Variants in FCF1 observed in about 807,000 individuals in gnomAD.
The protein encoded by FCF1 is FCF1 rRNA-processing protein.
A neutral mutation model predicts 32.5 loss-of-function variants in FCF1; 17 were observed. That is an observed-to-expected ratio of 0.52 (90% confidence interval 0.36 to 0.78). FCF1 has a LOEUF of 0.78. Ranked by LOEUF, FCF1 falls within the 30% of genes least tolerant of loss-of-function variation. The probability of loss-of-function intolerance (pLI) is 0.00; values close to 1 mark genes in which losing one functional copy is unlikely to be tolerated. For synonymous variants in FCF1, 84 were observed against 78.4 expected, an observed-to-expected ratio of 1.07 and a Z score of -0.38; for missense variants, 201 against 241.1, an observed-to-expected ratio of 0.83 and a Z score of 1.10.
At chr14:74,727,292 T>A (rs1166491430) in intron 5 of FCF1, among the ~76,000 whole-genome samples, 2 of 150,858 alleles carry the variant, frequency 1.3e-5, no homozygotes, top group African/African-American at 4.9e-5. Context: ...TTTTAATGAT[T>A]GCCATTCTAA....
chr14:74,723,699 G>A (rs1384935341), intron 5 of FCF1, among the ~76,000 whole-genome samples: 1 of 151,738 alleles, frequency 6.6e-6, no homozygotes, highest in Non-Finnish European at 1.5e-5. Flanking sequence ...GTGGTGGCAG[G>A]TGCCTGTAAT....
intron 5 of FCF1, 49 bp from the exon 6 acceptor site, chr14:74,732,682 C>G (rs886281028): frequency 7.9e-7 from 1 of 1,257,892 alleles, no homozygotes; most frequent in African/African-American, 1.5e-5. Context: ...TTAATTAAGA[C>G]TCAGAAAGTT....
intron 4 of FCF1, among the ~76,000 whole-genome samples, chr14:74,721,031 C>T (rs1435797345): frequency 6.6e-6 from 1 of 151,154 alleles, no homozygotes. Flanking sequence ...GTGTGTTCCA[C>T]CACACCCACC....
intron 5 of FCF1, among the ~76,000 whole-genome samples, chr14:74,725,411 C>T (rs971321406): frequency 4.9e-5 from 6 of 122,148 alleles, no homozygotes; most frequent in African/African-American, 1.3e-4. Context: ...GCCCAGGAGG[C>T]GGAGGTTTCA....
chr14:74,715,591 CCTT>C (rs370145464), intron 3 of FCF1: 19 of 356,914 alleles, frequency 5.3e-5, no homozygotes, highest in African/African-American at 3.8e-4. Flanking sequence ...GTTTTAGAAT[CCTT>C]TAAGAATGAC....
intron 5 of FCF1, among the ~76,000 whole-genome samples, chr14:74,729,377 A>T (rs2090607531): frequency 6.6e-6 from 1 of 151,924 alleles, no homozygotes; most frequent in Admixed American, 6.6e-5. Flanking sequence ...TAGATTTTCT[A>T]GTTTATTTGC....
intron 6 of FCF1, 107 bp downstream of exon 6, chr14:74,732,925 G>A: frequency 1.5e-6 from 1 of 651,224 alleles, no homozygotes; most frequent in Non-Finnish European, 2.6e-6. Context: ...ATACATTATG[G>A]TTAAATTAAA....
chr14:74,723,332 G>C lies in FCF1; in HGVS notation c.353G>C (p.Arg118Pro), dbSNP rs771464162. The change falls in exon 5 of 8, where the codon CGA becomes CCA. Residue 118 changes from arginine (R) to proline (P), a missense_variant. Coordinates refer to ENST00000341162, the MANE Select transcript of FCF1 (RefSeq NM_015962.5). ...ATTGAGAAATTGGGGCAGAAGTATCGAGTGGCTCTAAGGTAGGAAGGAGGT... is the reference window on the plus strand; with the variant it reads ...ATTGAGAAATTGGGGCAGAAGTATCCAGTGGCTCTAAGGTAGGAAGGAGGT... ...AEIEKLGQKY[R>P]VALRIAKDPR... The C allele has an allele frequency of 1.2e-6, 2 of 1,612,680 alleles. No individual in the cohort carries two copies. The highest frequency in any genetic ancestry group is 1.1e-5 in the South Asian group (1 of 91,030).
chr14:74,725,480 CAAAAAAAAAAAA>C (rs35508938), intron 5 of FCF1, among the ~76,000 whole-genome samples: 15 of 39,972 alleles, frequency 3.8e-4, no homozygotes, highest in Non-Finnish European at 1.7e-4. Context: ...ACCCTGTCTC[CAAAAAAAAAAAA>C]AAAAAAAAAA....
chr14:74,737,251 AG>A lies in FCF1; in HGVS notation c.*2323del, dbSNP rs2090715808. Reference sequence around the variant, plus strand: ...AAGCCTGTAGTCCCAGCTACTTGGGAGGCTGAGGCAGGAGAATCGCTTGAAC... The same window carrying A: ...AAGCCTGTAGTCCCAGCTACTTGGGAGCTGAGGCAGGAGAATCGCTTGAAC... On this transcript the variant is annotated 3_prime_UTR_variant, in exon 8 of 8. Coordinates refer to ENST00000341162, the MANE Select transcript of FCF1 (RefSeq NM_015962.5). 6.6e-6 allele frequency: 1 copy of A among 152,254 alleles called. No individual in the cohort carries two copies. Among genetic ancestry groups the A allele is most frequent in the Non-Finnish European group, 1.5e-5 (1 of 68,152 alleles). The allele number at this position is 152,254 out of a possible 1,614,324, so 9.4% of individuals were successfully genotyped here. A position where few individuals can be genotyped will look rare whatever the true frequency, so the allele number is the denominator to read the frequency against.
intron 5 of FCF1, among the ~76,000 whole-genome samples, chr14:74,724,451 G>GT (rs1468570350): frequency 6.6e-6 from 1 of 152,094 alleles, no homozygotes; most frequent in East Asian, 1.9e-4. Context: ...CACATGGCCA[G>GT]TTTTTTAAAA....
intron 5 of FCF1, among the ~76,000 whole-genome samples, chr14:74,729,909 G>A (rs546238208): frequency 4.3e-4 from 66 of 152,078 alleles, no homozygotes; most frequent in Non-Finnish European, 8.4e-4. Flanking sequence ...GTAGTTGTGC[G>A]GTTTTGAGTG....
Position 74,721,898 on chromosome 14 carries a change from T to C in FCF1, c.293-1374T>C, listed in dbSNP as rs372124313. On this transcript the variant is annotated intron_variant, in intron 4 of 7. Coordinates refer to ENST00000341162, the MANE Select transcript of FCF1 (RefSeq NM_015962.5). ...ATGTCTCCCTAAGAGTGTATTTCTT[T>C]AGGATACATTGTCTGGAAGCTGTAT... 3.3e-5 allele frequency among the ~76,000 whole-genome samples: 5 copies of C among 152,328 alleles called. 1 individual carries two copies. The highest frequency in any genetic ancestry group is 1.2e-4 in the African/African-American group (5 of 41,580).
intron 5 of FCF1, among the ~76,000 whole-genome samples, chr14:74,724,942 A>G (rs1054662766): frequency 7.9e-5 from 12 of 152,016 alleles, no homozygotes; most frequent in Non-Finnish European, 1.6e-4. Context: ...ATTAGCATGA[A>G]TATGTAGAAA....
intron 4 of FCF1, among the ~76,000 whole-genome samples, chr14:74,718,219 G>T (rs1341056990): frequency 6.6e-6 from 1 of 152,094 alleles, no homozygotes; most frequent in East Asian, 1.9e-4. Context: ...CCTTGAAAAG[G>T]CCTGTTTGAT....
At chr14:74,727,641 GTTGCCATTGCTT>G (rs2090591616) in intron 5 of FCF1, among the ~76,000 whole-genome samples, 1 of 152,002 alleles carries the variant, frequency 6.6e-6, no homozygotes, top group Non-Finnish European at 1.5e-5. Flanking sequence ...TTTGGCTTTT[GTTGCCATTGCTT>G]TTGGTGTTTT....
chr14:74,713,304 T>C lies in FCF1; in HGVS notation c.3+104T>C, dbSNP rs951611524. 8.1e-6 allele frequency: 13 copies of C among 1,611,698 alleles called. No individual in the cohort carries two copies. The African/African-American group carries it at 1.5e-4, about 18-fold the overall frequency. On this transcript the variant is annotated intron_variant, in intron 1 of 7. Transcript: ENST00000341162. Reference sequence around the variant, plus strand: ...ATTTCCTTCACATTATCCTAGCATATTTTCATTCTGGTCTTAGCTCTTAAA... The same window carrying C: ...ATTTCCTTCACATTATCCTAGCATACTTTCATTCTGGTCTTAGCTCTTAAA...
In FCF1 at chr14:74,734,106, C is replaced by T. The variant is rs555797859; in HGVS notation, c.484C>T (p.Arg162Trp). The stretch of plus-strand genomic sequence containing the variant: ...GTGTTACATTGTGGCCACAGTTGAC[C>T]GGGACCTGAAAAGAAGAATCCGTAA... ...HKCYIVATVD[R>W]DLKRRIRKIP... is the part of the protein sequence containing the mutation. Residue 162 changes from arginine to tryptophan, a missense_variant, in exon 7 of 8, where the codon CGG becomes TGG. Transcript: ENST00000341162. 30 of 1,613,460 alleles carry T rather than the reference C, an allele frequency of 1.9e-5. No homozygotes were observed. The highest frequency in any genetic ancestry group is 5.0e-5 in the Admixed American group (3 of 59,988).
At chr14:74,726,341 G>A (rs899853828) in intron 5 of FCF1, among the ~76,000 whole-genome samples, 6 of 151,844 alleles carry the variant, frequency 4.0e-5, no homozygotes, top group Admixed American at 3.3e-4. Flanking sequence ...TTTAAAATTA[G>A]CCAGGCATGG....
Sources: allele counts gnomAD v4.1 joint callset (sites outside exome capture counted in the v4.1 genomes callset), GRCh38; gene constraint gnomAD v4.1.1; transcripts MANE v1.5; gene names NCBI Gene and HGNC (gene_info 2026-07-23, HGNC 2026-07-21).